ADGRL3: variants seen among roughly 807,000 people sequenced by gnomAD.
ADGRL3 encodes the protein adhesion G protein-coupled receptor L3, also known as calcium-independent alpha-latrotoxin receptor 3.
ADGRL3 carries 62 observed loss-of-function variants against 153.5 expected under a neutral mutation model. That is an observed-to-expected ratio of 0.40 (90% CI 0.33 to 0.50). The LOEUF is 0.50. Among genes scored for constraint, ADGRL3 ranks in the 20% least tolerant of loss-of-function variants. The pLI, the probability that ADGRL3 is intolerant of heterozygous loss-of-function variation, is 0.47. For synonymous variants in ADGRL3, 710 were observed against 672.5 expected, an observed-to-expected ratio of 1.06 and a Z score of -0.86; for missense variants, 1,641 against 1,859.4, an observed-to-expected ratio of 0.88 and a Z score of 2.16.
intron 6 of ADGRL3, among the ~76,000 whole-genome samples, chr4:61,727,272 T>C (rs1036676138): frequency 1.9e-4 from 29 of 152,162 alleles, no homozygotes; most frequent in Admixed American, 2.6e-4. Flanking sequence ...TTGTCATTTA[T>C]TCTAACCACA....
intron 2 of ADGRL3, among the ~76,000 whole-genome samples, chr4:61,414,820 G>A (rs569607029): frequency 2.0e-5 from 3 of 151,714 alleles, no homozygotes; most frequent in Non-Finnish European, 4.4e-5. Flanking sequence ...TCTTGTAAAG[G>A]ACATAATCAG....
intron 1 of ADGRL3, among the ~76,000 whole-genome samples, chr4:61,372,568 A>T (rs1292972401): frequency 6.6e-6 from 1 of 152,152 alleles, no homozygotes; most frequent in African/African-American, 2.4e-5. Context: ...GATCCACTTG[A>T]GGAGGCAGTC....
At chr4:61,433,259 G>T (rs75624519) in intron 2 of ADGRL3, among the ~76,000 whole-genome samples, 1 of 151,916 alleles carries the variant, frequency 6.6e-6, no homozygotes, top group African/African-American at 2.4e-5. Flanking sequence ...TATGTATGTA[G>T]TATGTAAGAT....
At chr4:61,706,102 G>T (rs2095852978) in intron 6 of ADGRL3, among the ~76,000 whole-genome samples, 1 of 152,134 alleles carries the variant, frequency 6.6e-6, no homozygotes, top group Non-Finnish European at 1.5e-5. Flanking sequence ...AGCTAGGAAA[G>T]TCCTAGATGG....
At chr4:61,711,683 A>G (rs1337706233) in intron 6 of ADGRL3, among the ~76,000 whole-genome samples, 2 of 151,648 alleles carry the variant, frequency 1.3e-5, no homozygotes, top group Admixed American at 6.6e-5. Context: ...AGAAAGTGCC[A>G]TACAGAAAAC....
At chr4:61,555,364 C>A (rs1248151744) in intron 4 of ADGRL3, among the ~76,000 whole-genome samples, 1 of 152,202 alleles carries the variant, frequency 6.6e-6, no homozygotes, top group Admixed American at 6.5e-5. Context: ...GTTTATCTCC[C>A]ACCTAAAAGA....
chr4:61,935,883 T>A, intron 14 of ADGRL3, 40 bp from the exon 15 acceptor site: 1 of 1,548,602 alleles, frequency 6.5e-7, no homozygotes, highest in African/African-American at 1.4e-5. Context: ...AGCTTAGGTA[T>A]GTTTCTCAAT....
intron 1 of ADGRL3, among the ~76,000 whole-genome samples, chr4:61,372,661 A>G (rs1447102979): frequency 6.6e-6 from 1 of 152,188 alleles, no homozygotes; most frequent in South Asian, 2.1e-4. Flanking sequence ...TTAAGTCTGC[A>G]GAGGTTACTG....
rs1049940038 is a variant in ADGRL3 at position 62,077,527 on chromosome 4, G to T, written c.*6619G>T. ...AATATATTGATTGCTCTCAAAAGAT[G>T]TTTGACAAAGTTAAGTCAGTATCTT... On this transcript the variant is annotated 3_prime_UTR_variant, in exon 27 of 27. Transcript: ENST00000683033. 6.6e-6 allele frequency: 1 copy of T among 151,998 alleles called. No individual in the cohort carries two copies. The highest frequency in any genetic ancestry group is 1.5e-5 in the Non-Finnish European group (1 of 67,910). The allele number at this position is 151,998 out of a possible 1,614,324, so 9.4% of individuals were successfully genotyped here.
At chr4:61,370,029 A>T (rs1248263838) in intron 1 of ADGRL3, among the ~76,000 whole-genome samples, 2 of 152,058 alleles carry the variant, frequency 1.3e-5, no homozygotes, top group African/African-American at 2.4e-5. Context: ...AGGTGTTTGT[A>T]GTATTCTCTG....
At chr4:61,734,910 G>C (rs1020875148) in intron 8 of ADGRL3, among the ~76,000 whole-genome samples, 1 of 152,176 alleles carries the variant, frequency 6.6e-6, no homozygotes, top group Non-Finnish European at 1.5e-5. Context: ...ATTTTCAGCA[G>C]GTTAGTTCTT....
chr4:61,605,993 A>G (rs961880723), intron 5 of ADGRL3, among the ~76,000 whole-genome samples: 3 of 152,194 alleles, frequency 2.0e-5, no homozygotes, highest in Non-Finnish European at 1.5e-5. Context: ...AATACTTTAC[A>G]TAAAATATGG....
chr4:61,317,615 A>C (rs1477716794), intron 1 of ADGRL3, among the ~76,000 whole-genome samples: 1 of 152,134 alleles, frequency 6.6e-6, no homozygotes, highest in Non-Finnish European at 1.5e-5. Context: ...TGAAGGACAG[A>C]GGAGAATGAG....
intron 8 of ADGRL3, among the ~76,000 whole-genome samples, chr4:61,764,093 G>A (rs1001065809): frequency 1.6e-4 from 24 of 152,202 alleles, no homozygotes; most frequent in Admixed American, 7.2e-4. Flanking sequence ...TTTATTTTAT[G>A]TAAATGTTCA....
chr4:61,676,094 TC>T (rs1466420418), intron 5 of ADGRL3, among the ~76,000 whole-genome samples: 1 of 151,920 alleles, frequency 6.6e-6, no homozygotes, highest in Non-Finnish European at 1.5e-5. Flanking sequence ...AACCTCCAGT[TC>T]CATCTTATAT....
At chr4:61,483,825 T>C (rs2098159667) in intron 2 of ADGRL3, among the ~76,000 whole-genome samples, 1 of 151,108 alleles carries the variant, frequency 6.6e-6, no homozygotes. Context: ...AACTATATGC[T>C]ATCATATGTA....
intron 9 of ADGRL3, among the ~76,000 whole-genome samples, chr4:61,853,367 A>C (rs2098229754): frequency 6.6e-6 from 1 of 152,140 alleles, no homozygotes; most frequent in Non-Finnish European, 1.5e-5. Flanking sequence ...TTAGTATACC[A>C]CAGTCTGACT....
intron 3 of ADGRL3, among the ~76,000 whole-genome samples, chr4:61,497,788 T>G (rs938976857): frequency 1.3e-5 from 2 of 151,836 alleles, no homozygotes; most frequent in Non-Finnish European, 2.9e-5. Flanking sequence ...CCTCCCAAAG[T>G]GCTGGGATTA....
In ADGRL3 at chr4:61,935,948, A is replaced by T. The variant is rs372386660; in HGVS notation, c.2322A>T (p.Thr774=). The T allele has an allele frequency of 1.3e-6, 2 of 1,597,730 alleles. No individual in the cohort carries two copies. Among genetic ancestry groups the T allele is most frequent in the East Asian group, 4.5e-5 (2 of 44,546 alleles). Residue 774 remains threonine (T), a synonymous_variant, in exon 15 of 27, where the codon ACA becomes ACT. Transcript: ENST00000683033. ...AATTGGAAGTTGCAAGACTGAGCAC[A>T]GAAGGAAACTTAGAAGACCTAAAAT... is the stretch of plus-strand genomic sequence containing the variant. ...NIKLEVARLS[T]EGNLEDLKFP... is the part of the protein sequence containing the mutation.
Sources: allele counts gnomAD v4.1 joint callset (sites outside exome capture counted in the v4.1 genomes callset), GRCh38; gene constraint gnomAD v4.1.1; transcripts MANE v1.5; gene names NCBI Gene and HGNC (gene_info 2026-07-23, HGNC 2026-07-21).